Variants in APBB2 observed in about 807,000 individuals in gnomAD.
APBB2 encodes amyloid beta precursor protein binding family B member 2, also known as Fe65-like 1.
Under a neutral mutation model 82.5 loss-of-function variants are expected in APBB2, and 38 were observed. The observed-to-expected ratio is 0.46, with a 90% CI of 0.36 to 0.60. The LOEUF is 0.60. Among genes scored for constraint, APBB2 ranks in the 20% least tolerant of loss-of-function variants. The pLI, the probability that APBB2 is intolerant of heterozygous loss-of-function variation, is 0.00. For missense variants in APBB2, 772 were observed against 972.3 expected (o/e 0.79, Z 2.74); for synonymous variants, 341 against 368.2 (o/e 0.93, Z 0.85).
chr4:41,086,374 C>T (rs926982487), intron 3 of APBB2, among the ~76,000 whole-genome samples: 1 of 152,120 alleles, frequency 6.6e-6, no homozygotes, highest in African/African-American at 2.4e-5. Context: ...AAGAAAACTA[C>T]AAGCCATTAT....
chr4:40,922,035 C>G (rs1781388851), intron 10 of APBB2, among the ~76,000 whole-genome samples: 2 of 152,180 alleles, frequency 1.3e-5, no homozygotes, highest in African/African-American at 4.8e-5. Context: ...GGCTAGAGAT[C>G]TGGGGTAGGA....
intron 13 of APBB2, among the ~76,000 whole-genome samples, chr4:40,828,643 A>G (rs1401290109): frequency 1.3e-5 from 2 of 152,156 alleles, no homozygotes; most frequent in African/African-American, 4.8e-5. Context: ...CCTGGCACAT[A>G]AATGGCATTC....
intron 12 of APBB2, chr4:40,880,254 C>A (rs1560778466): frequency 1.0e-6 from 1 of 985,326 alleles, no homozygotes; most frequent in Non-Finnish European, 1.2e-6. Context: ...AAACTCGACA[C>A]AATGAGACTC....
chr4:41,135,195 C>T (rs1409876980), intron 2 of APBB2, among the ~76,000 whole-genome samples: 3 of 150,550 alleles, frequency 2.0e-5, no homozygotes, highest in South Asian at 4.2e-4. Flanking sequence ...AAAAAAATCA[C>T]CCTTACAAAC....
intron 6 of APBB2, among the ~76,000 whole-genome samples, chr4:40,998,912 G>A (rs1034468039): frequency 2.0e-5 from 3 of 152,126 alleles, no homozygotes; most frequent in African/African-American, 7.2e-5. Context: ...CTCACATCCT[G>A]GGCGGGATGA....
At chr4:41,055,651 G>A (rs1727586107) in intron 4 of APBB2, among the ~76,000 whole-genome samples, 2 of 152,154 alleles carry the variant, frequency 1.3e-5, no homozygotes, top group Admixed American at 1.3e-4. Flanking sequence ...CTCATCTACT[G>A]AAGCAGGCAC....
intron 12 of APBB2, among the ~76,000 whole-genome samples, chr4:40,845,489 A>G (rs950754190): frequency 3.3e-5 from 5 of 151,640 alleles, no homozygotes; most frequent in Non-Finnish European, 5.9e-5. Flanking sequence ...TTGGGAAAAT[A>G]AATGCCGGAG....
At chr4:41,129,211 T>C (rs1755267690) in intron 2 of APBB2, among the ~76,000 whole-genome samples, 1 of 152,180 alleles carries the variant, frequency 6.6e-6, no homozygotes, top group South Asian at 2.1e-4. Context: ...AGCACTGTTC[T>C]TGACACACAA....
intron 2 of APBB2, among the ~76,000 whole-genome samples, chr4:41,141,669 T>C (rs1416200534): frequency 6.6e-6 from 1 of 152,182 alleles, no homozygotes; most frequent in Admixed American, 6.5e-5. Context: ...AGAGGTTTAA[T>C]GGACTTAAGT....
intron 6 of APBB2, among the ~76,000 whole-genome samples, chr4:40,997,918 T>C (rs1431435643): frequency 6.6e-6 from 1 of 152,204 alleles, no homozygotes; most frequent in Non-Finnish European, 1.5e-5. Flanking sequence ...GGGCTGTCAT[T>C]TCAAGGAAAA....
chr4:41,100,662 G>C lies in APBB2; in HGVS notation c.-172C>G, dbSNP rs1393983889. On this transcript the variant is annotated 5_prime_UTR_variant, in exon 3 of 18. Transcript: ENST00000508593. ...ACTTTTCCCAGGTCTTTGGTACAAA[G>C]CTCAGAAGGCAAGCTCCTTTTTTTC... The C allele has an allele frequency of 6.6e-6, 1 of 152,108 alleles. No homozygotes were observed. Among genetic ancestry groups the C allele is most frequent in the Non-Finnish European group, 1.5e-5 (1 of 68,018 alleles). The allele number at this position is 152,108 out of a possible 1,614,324, so 9.4% of individuals were successfully genotyped here. A position where few individuals can be genotyped will look rare whatever the true frequency, so the allele number is the denominator to read the frequency against.
intron 1 of APBB2, among the ~76,000 whole-genome samples, chr4:41,195,515 A>AGAGCCTCG: frequency 6.6e-6 from 1 of 152,118 alleles, no homozygotes; most frequent in Non-Finnish European, 1.5e-5. Context: ...TTACCACACA[A>AGAGCCTCG]GAGCCTCGCC....
intron 2 of APBB2, among the ~76,000 whole-genome samples, chr4:41,123,547 A>G (rs1753506871): frequency 6.6e-6 from 1 of 152,180 alleles, no homozygotes; most frequent in Non-Finnish European, 1.5e-5. Context: ...ATGTAAATTC[A>G]GAGGCTGAGT....
chr4:40,830,553 A>C lies in APBB2; in HGVS notation c.1554T>G (p.Asp518Glu), dbSNP rs749728842. The C allele has an allele frequency of 2.5e-6, 4 of 1,613,890 alleles. No homozygotes were observed. In the South Asian group the frequency reaches 4.4e-5, roughly 18 times the overall value. ...NGRDFAYVAR[D>E]KDTRILKCHV... is the part of the protein sequence containing the mutation. Reference sequence around the variant, plus strand: ...GACATTTCAAAATTCTTGTATCTTTATCTCTTGCTACATAAGCAAAATCCC... The same window carrying C: ...GACATTTCAAAATTCTTGTATCTTTCTCTCTTGCTACATAAGCAAAATCCC... The change falls in exon 13 of 18, where the codon GAT (aspartate) becomes GAG (glutamate). Residue 518 changes from aspartate to glutamate, a missense_variant. Transcript: ENST00000508593.
At chr4:40,831,733 A>G (rs1373608580) in intron 12 of APBB2, among the ~76,000 whole-genome samples, 2 of 152,150 alleles carry the variant, frequency 1.3e-5, no homozygotes, top group African/African-American at 4.8e-5. Flanking sequence ...CAGTCCTATC[A>G]AAGGCCTTTG....
intron 10 of APBB2, among the ~76,000 whole-genome samples, chr4:40,929,085 T>G (rs550313227): frequency 8.6e-5 from 13 of 151,610 alleles, no homozygotes; most frequent in Non-Finnish European, 1.6e-4. Context: ...TTTCTTTGTT[T>G]GTACTGTGAT....
rs1390633014 is a variant in APBB2, at chr4:41,014,070, C to G, written c.348G>C (p.Gln116His). 1 of 1,614,070 alleles carries G rather than the reference C, an allele frequency of 6.2e-7. No individual in the cohort carries two copies. Among genetic ancestry groups the G allele is most frequent in the African/African-American group, 1.3e-5 (1 of 74,930 alleles). The change falls in exon 6 of 18, where the codon CAG becomes CAC. Residue 116 changes from glutamine to histidine, a missense_variant. Transcript: ENST00000508593. ...QLRKAAEQGQ[Q>H]DPNKNLSPTA... ...TGGGGCTCAGGTTTTTGTTGGGGTC[C>G]TGCTGCCCTTGCTCTGCAGCCTTAC...
At chr4:41,181,695 C>T (rs1771403620) in intron 1 of APBB2, among the ~76,000 whole-genome samples, 1 of 152,108 alleles carries the variant, frequency 6.6e-6, no homozygotes, top group African/African-American at 2.4e-5. Flanking sequence ...CCTATAATTC[C>T]AGCACTTTGG....
At chr4:40,888,891 C>T (rs568514794) in intron 12 of APBB2, among the ~76,000 whole-genome samples, 1 of 152,386 alleles carries the variant, frequency 6.6e-6, no homozygotes. Context: ...TAAAAACAAA[C>T]TTGGAGGACA....
Sources: allele counts gnomAD v4.1 joint callset (sites outside exome capture counted in the v4.1 genomes callset), GRCh38; gene constraint gnomAD v4.1.1; transcripts MANE v1.5; gene names NCBI Gene and HGNC (gene_info 2026-07-23, HGNC 2026-07-21).